COL19A1: variants seen among roughly 807,000 people sequenced by gnomAD.
COL19A1 encodes the protein collagen type XIX alpha 1 chain, also known as collagen alpha-1(XIX) chain.
COL19A1 carries 159 observed loss-of-function variants against 190.2 expected under a neutral mutation model. The ratio of observed to expected loss-of-function variants is 0.84; its 90% confidence interval spans 0.73 to 0.95. The LOEUF is 0.95. COL19A1 is among the 40% of genes least tolerant of loss of function. The pLI is 0.00. For synonymous variants in COL19A1, 509 were observed against 458.9 expected (o/e 1.11, Z -1.39); for missense variants, 1,418 against 1,431.9 (o/e 0.99, Z 0.16).
intron 9 of COL19A1, among the ~76,000 whole-genome samples, chr6:69,948,011 G>C (rs1427846360): frequency 6.6e-6 from 1 of 151,694 alleles, no homozygotes; most frequent in Non-Finnish European, 1.5e-5. Flanking sequence ...TTAAATACTT[G>C]TTCAAAGTTC....
intron 13 of COL19A1, 133 bp downstream of exon 13, chr6:70,034,431 A>T (rs1779235159): frequency 1.5e-6 from 1 of 665,010 alleles, no homozygotes; most frequent in South Asian, 1.8e-5. Flanking sequence ...CCTTAATAGC[A>T]TCTGAATAAG....
intron 1 of COL19A1, among the ~76,000 whole-genome samples, chr6:69,871,269 G>A (rs1767805332): frequency 6.6e-6 from 1 of 152,116 alleles, no homozygotes; most frequent in African/African-American, 2.4e-5. Flanking sequence ...CTAAAGATTG[G>A]TGAAAGAACA....
rs1054034137 is a variant in COL19A1 at position 69,928,993 on chromosome 6, G to A, written c.391-432G>A. ...GAATTGATCTTAGCTTCCCTACTTA[G>A]GGAAATGATCACATTCTTAGTCTTC... is the stretch of plus-strand genomic sequence containing the variant. On this transcript the variant is annotated intron_variant, in intron 5 of 50. Transcript: ENST00000620364. Among the ~76,000 whole-genome samples, 5 of 151,920 alleles carry A rather than the reference G, an allele frequency of 3.3e-5. No individual in the cohort carries two copies. In the East Asian group the frequency reaches 9.6e-4, roughly 29 times the overall value.
At chr6:70,176,013 C>T (rs74929675) in intron 41 of COL19A1, among the ~76,000 whole-genome samples, 6 of 152,262 alleles carry the variant, frequency 3.9e-5, no homozygotes, top group Non-Finnish European at 5.9e-5. Flanking sequence ...AGTTGAGTCA[C>T]TCTGTTGTTC....
At chr6:70,183,601 A>G (rs1766319453) in intron 44 of COL19A1, among the ~76,000 whole-genome samples, 1 of 152,148 alleles carries the variant, frequency 6.6e-6, no homozygotes, top group African/African-American at 2.4e-5. Context: ...GTGTGTCTGA[A>G]TGTAATAAAT....
At chr6:69,980,462 A>G (rs534012917) in intron 11 of COL19A1, among the ~76,000 whole-genome samples, 1 of 152,284 alleles carries the variant, frequency 6.6e-6, no homozygotes, top group African/African-American at 2.4e-5. Context: ...AATACTTTAC[A>G]TTTGTGTAAT....
intron 11 of COL19A1, among the ~76,000 whole-genome samples, chr6:70,005,609 C>T (rs1435264621): frequency 3.3e-5 from 5 of 152,136 alleles, no homozygotes; most frequent in African/African-American, 1.2e-4. Flanking sequence ...TGTCTAACAA[C>T]CCCTATAGGA....
At chr6:69,873,415 A>G (rs1767950789) in intron 1 of COL19A1, among the ~76,000 whole-genome samples, 1 of 152,190 alleles carries the variant, frequency 6.6e-6, no homozygotes, top group Non-Finnish European at 1.5e-5. Context: ...ACTTACTGGC[A>G]TATTTACATA....
chr6:69,912,816 G>A (rs1236771776), intron 4 of COL19A1, among the ~76,000 whole-genome samples: 9 of 152,170 alleles, frequency 5.9e-5, no homozygotes, highest in South Asian at 2.1e-4. Flanking sequence ...GGCCAGGCAC[G>A]GTGGCTCACA....
At position 70,108,660 on chromosome 6, in the gene COL19A1, T is replaced by C. The variant is rs373791921; in HGVS notation, c.1278+6438T>C. On this transcript the variant is annotated intron_variant, in intron 16 of 50. Transcript: ENST00000620364. ...TTTTCAATGTCAACTTGATGCTCTT[T>C]TGAGGTAAAAATCCATACCTACTTC... Among the ~76,000 whole-genome samples the C allele has an allele frequency of 1.3e-4, 20 of 152,274 alleles. No homozygotes were observed. The East Asian group carries it at 3.5e-3, about 26-fold the overall frequency.
intron 49 of COL19A1, among the ~76,000 whole-genome samples, chr6:70,202,472 C>A (rs1269437655): frequency 6.6e-6 from 1 of 152,092 alleles, no homozygotes; most frequent in Non-Finnish European, 1.5e-5. Context: ...CGATATATAT[C>A]ATCTTAAATA....
chr6:70,175,996 A>C (rs559002892), intron 41 of COL19A1, among the ~76,000 whole-genome samples: 1 of 152,256 alleles, frequency 6.6e-6, no homozygotes, highest in Non-Finnish European at 1.5e-5. Flanking sequence ...ATTGGCTCTT[A>C]AAAAGGAGTT....
intron 4 of COL19A1, among the ~76,000 whole-genome samples, chr6:69,905,528 G>A (rs997625183): frequency 6.6e-6 from 1 of 152,158 alleles, no homozygotes; most frequent in African/African-American, 2.4e-5. Context: ...TTCTCTGGGC[G>A]CAAGTGCACT....
At chr6:70,144,888 A>T in intron 24 of COL19A1, 30 bp from the exon 25 acceptor site, 1 of 1,415,592 alleles carries the variant, frequency 7.1e-7, no homozygotes, top group Non-Finnish European at 9.8e-7. Flanking sequence ...CCTGAGCATC[A>T]AAGTAAGAAT....
chr6:70,135,448 AACTCATTAGCAT>A (rs1288524879), intron 18 of COL19A1, among the ~76,000 whole-genome samples: 1 of 152,184 alleles, frequency 6.6e-6, no homozygotes, highest in Non-Finnish European at 1.5e-5. Flanking sequence ...GCTACCAGTC[AACTCATTAGCAT>A]ACAAAAAGAC....
At chr6:69,962,775 T>G (rs376444068) in intron 10 of COL19A1, 51 bp from the exon 11 acceptor site, 2 of 1,232,850 alleles carry the variant, frequency 1.6e-6, no homozygotes, top group Non-Finnish European at 2.3e-6. Context: ...AAATTGCATG[T>G]GTTATAAGTA....
intron 11 of COL19A1, among the ~76,000 whole-genome samples, chr6:69,993,063 C>T (rs532520185): frequency 3.9e-4 from 59 of 152,096 alleles, no homozygotes; most frequent in African/African-American, 1.3e-3. Flanking sequence ...CCAGCTTTTG[C>T]CCATTCGGTA....
chr6:70,137,653 T>G, intron 18 of COL19A1, 32 bp from the exon 19 acceptor site: 1 of 1,608,224 alleles, frequency 6.2e-7, no homozygotes, highest in Non-Finnish European at 8.5e-7. Flanking sequence ...TCTAACCATC[T>G]GCAAAATCTC....
At chr6:70,132,712 G>T (rs1035514835) in intron 18 of COL19A1, among the ~76,000 whole-genome samples, 1 of 151,960 alleles carries the variant, frequency 6.6e-6, no homozygotes, top group Non-Finnish European at 1.5e-5. Flanking sequence ...TTAGGGTAGG[G>T]GTCTTATCTC....
Sources: gnomAD v4.1 joint callset for allele counts (sites outside exome capture counted in the v4.1 genomes callset) on GRCh38, gnomAD v4.1.1 for gene constraint, MANE v1.5 for transcripts, NCBI Gene and HGNC (gene_info 2026-07-23, HGNC 2026-07-21) for gene names.